The following NRG1 variants were observed in gnomAD, a reference collection of about 807,000 sequenced individuals.
NRG1 encodes the protein pro-neuregulin-1, membrane-bound isoform.
Under a neutral mutation model 63.8 loss-of-function variants are expected in NRG1, and 18 were observed. That is an observed-to-expected ratio of 0.28 (90% CI 0.19 to 0.42). NRG1 has a LOEUF of 0.42. NRG1 is among the 10% of genes least tolerant of loss of function. NRG1 has a pLI of 1.00. For synonymous variants in NRG1, 302 were observed against 301.3 expected (o/e 1.00, Z -0.02); for missense variants, 762 against 814.7 (o/e 0.94, Z 0.79).
intron 5 of NRG1, among the ~76,000 whole-genome samples, chr8:32,686,735 G>A (rs1400476681): frequency 6.6e-6 from 1 of 152,346 alleles, no homozygotes; most frequent in East Asian, 1.9e-4. Flanking sequence ...GCAAGGTTTA[G>A]ATGAGGGAGC....
At chr8:31,831,302 C>T (rs968737898) in intron 1 of NRG1, among the ~76,000 whole-genome samples, 2 of 152,048 alleles carry the variant, frequency 1.3e-5, no homozygotes, top group Admixed American at 6.6e-5. Flanking sequence ...GGGGTTTCAC[C>T]ATGTTGGCCA....
intron 1 of NRG1, among the ~76,000 whole-genome samples, chr8:32,182,072 C>A (rs1841486972): frequency 6.6e-6 from 1 of 152,132 alleles, no homozygotes; most frequent in Admixed American, 6.6e-5. Flanking sequence ...ATGAAGTCAG[C>A]CAGCAAGGAT....
At chr8:32,107,909 A>G (rs1189931137) in intron 1 of NRG1, among the ~76,000 whole-genome samples, 3 of 152,218 alleles carry the variant, frequency 2.0e-5, no homozygotes, top group Non-Finnish European at 2.9e-5. Flanking sequence ...TTAATTAGCT[A>G]TGAAAGGAAT....
intron 1 of NRG1, among the ~76,000 whole-genome samples, chr8:31,858,543 G>A (rs1405285118): frequency 2.0e-5 from 3 of 152,120 alleles, no homozygotes; most frequent in African/African-American, 7.2e-5. Context: ...ATGACAACTG[G>A]TGATGACCAG....
At chr8:32,252,740 T>C (rs941171585) in intron 1 of NRG1, among the ~76,000 whole-genome samples, 1 of 152,182 alleles carries the variant, frequency 6.6e-6, no homozygotes, top group Non-Finnish European at 1.5e-5. Flanking sequence ...AGAAAGTCAA[T>C]AGTAGCTTGA....
intron 1 of NRG1, among the ~76,000 whole-genome samples, chr8:32,315,607 C>T (rs972966527): frequency 1.3e-5 from 2 of 152,152 alleles, no homozygotes; most frequent in African/African-American, 4.8e-5. Flanking sequence ...GCATTTATCT[C>T]CTAGAATATA....
chr8:31,749,430 T>C (rs1341660959), intron 1 of NRG1, among the ~76,000 whole-genome samples: 1 of 151,846 alleles, frequency 6.6e-6, no homozygotes, highest in Non-Finnish European at 1.5e-5. Flanking sequence ...ATTAGTAGGA[T>C]TCTAAGCAGC....
intron 1 of NRG1, among the ~76,000 whole-genome samples, chr8:31,731,064 T>TA (rs1275403557): frequency 6.6e-6 from 1 of 152,132 alleles, no homozygotes; most frequent in Non-Finnish European, 1.5e-5. Flanking sequence ...TTGTTCTAAA[T>TA]ACTGGAAATG....
At chr8:31,660,619 G>A (rs1273768662) in intron 1 of NRG1, among the ~76,000 whole-genome samples, 1 of 152,160 alleles carries the variant, frequency 6.6e-6, no homozygotes, top group Non-Finnish European at 1.5e-5. Flanking sequence ...AGCCACTAGA[G>A]TTAAAATTCT....
At chr8:31,800,797 CG>C (rs2131717644) in intron 1 of NRG1, among the ~76,000 whole-genome samples, 1 of 148,712 alleles carries the variant, frequency 6.7e-6, no homozygotes, top group East Asian at 2.0e-4. Flanking sequence ...TAGTTAAAAT[CG>C]GGGATAACAT....
chr8:32,028,877 T>C (rs1212320257), intron 1 of NRG1, among the ~76,000 whole-genome samples: 1 of 148,628 alleles, frequency 6.7e-6, no homozygotes, highest in Admixed American at 6.8e-5. Context: ...ACCTTCCTAT[T>C]CATAGTGAAA....
chr8:32,763,958 T>C (rs571549399), exon 12 of NRG1: 1 of 1,613,996 alleles, frequency 6.2e-7, no homozygotes, highest in South Asian at 1.1e-5. Flanking sequence ...AGTTTGACCA[T>C]CACCCTCAGC....
At chr8:32,308,527 C>A (rs1051693716) in intron 1 of NRG1, among the ~76,000 whole-genome samples, 6 of 152,202 alleles carry the variant, frequency 3.9e-5, no homozygotes, top group African/African-American at 1.2e-4. Context: ...ATTATTTCCA[C>A]AATTCAGCAC....
chr8:31,813,262 A>AT (rs999130774), intron 1 of NRG1, among the ~76,000 whole-genome samples: 28 of 151,976 alleles, frequency 1.8e-4, no homozygotes, highest in Admixed American at 1.8e-3. Flanking sequence ...ACTTTAAAAT[A>AT]TTTTTTTCAA....
intron 1 of NRG1, among the ~76,000 whole-genome samples, chr8:32,474,639 C>T (rs541498048): frequency 3.9e-5 from 6 of 151,970 alleles, no homozygotes; most frequent in African/African-American, 9.6e-5. Context: ...ACTACAGGCA[C>T]GTGCCACCAC....
chr8:32,194,395 A>C (rs1842774507), intron 1 of NRG1, among the ~76,000 whole-genome samples: 1 of 152,158 alleles, frequency 6.6e-6, no homozygotes, highest in African/African-American at 2.4e-5. Flanking sequence ...AAACATTTTC[A>C]CATTTTTTTT....
chr8:32,069,709 G>C (rs943429439), intron 1 of NRG1, among the ~76,000 whole-genome samples: 3 of 152,122 alleles, frequency 2.0e-5, no homozygotes, highest in African/African-American at 7.2e-5. Flanking sequence ...TAGAACCCAA[G>C]GGTGCAGAAA....
upstream of NRG1, among the ~76,000 whole-genome samples, chr8:32,544,128 T>C (rs142660219): frequency 3.3e-5 from 5 of 152,200 alleles, no homozygotes; most frequent in African/African-American, 1.2e-4. Flanking sequence ...CAAAATAGTA[T>C]ACAATTGTCA....
chr8:32,344,943 C>A (rs1804691372), intron 1 of NRG1, among the ~76,000 whole-genome samples: 1 of 152,096 alleles, frequency 6.6e-6, no homozygotes, highest in Non-Finnish European at 1.5e-5. Flanking sequence ...CTGCTCAAGG[C>A]TTGCTAGGGG....
Sources: allele counts gnomAD v4.1 joint callset (sites outside exome capture counted in the v4.1 genomes callset), GRCh38; gene constraint gnomAD v4.1.1; transcripts MANE v1.5; gene names NCBI Gene and HGNC (gene_info 2026-07-23, HGNC 2026-07-21).